IGSF10: variants seen among roughly 807,000 people sequenced by gnomAD.
The protein encoded by IGSF10 is immunoglobulin superfamily member 10, also known as calvaria mechanical force protein 608.
A neutral mutation model predicts 128.2 loss-of-function variants in IGSF10; 126 were observed. The observed-to-expected ratio is 0.98, with a 90% CI of 0.85 to 1.14. IGSF10 has a LOEUF of 1.14. Among genes scored for constraint, IGSF10 ranks in the 50% most tolerant of loss-of-function variants. The pLI, the probability that IGSF10 is intolerant of heterozygous loss-of-function variation, is 0.00. For missense variants in IGSF10, 3,295 were observed against 3,149.8 expected, an observed-to-expected ratio of 1.05 and a Z score of -1.10; for synonymous variants, 1,185 against 1,146.2, an observed-to-expected ratio of 1.03 and a Z score of -0.68.
intron 2 of IGSF10, 133 bp downstream of exon 2, chr3:151,460,127 TA>T (rs1175207131): frequency 1.3e-5 from 2 of 156,450 alleles, no homozygotes; most frequent in Admixed American, 1.3e-4. Flanking sequence ...TCGTTCAGCT[TA>T]AATAAAAGTT....
the IGSF10 span, among the ~76,000 whole-genome samples, chr3:151,546,792 G>T: frequency 1.2e-3 from 181 of 151,068 alleles, no homozygotes; most frequent in Middle Eastern, 6.8e-3. Flanking sequence ...TTTTTGAGAC[G>T]AAGTTTTTGC....
chr3:151,459,452 G>A (rs1486474156), intron 2 of IGSF10, among the ~76,000 whole-genome samples: 1 of 152,038 alleles, frequency 6.6e-6, no homozygotes, highest in East Asian at 1.9e-4. Flanking sequence ...CAAAAAAAAA[G>A]ACACATTGAA....
chr3:151,544,266 T>G, the IGSF10 span, among the ~76,000 whole-genome samples: 1 of 152,190 alleles, frequency 6.6e-6, no homozygotes, highest in Non-Finnish European at 1.5e-5. Context: ...TGGGTTTGCC[T>G]AGGAGAACAT....
chr3:151,445,442 A>C lies in IGSF10; in HGVS notation c.4539T>G (p.Ala1513=). Residue 1513 remains alanine (A), a synonymous_variant, in exon 6 of 8, where the codon GCT becomes GCG. Coordinates refer to ENST00000282466, the MANE Select transcript of IGSF10 (RefSeq NM_178822.5). The part of the protein sequence containing the change: ...VKLHESSRHN[A]KPQQLVAEVA... ...CCTCTGCTACTAATTGCTGTGGTTT[A>C]GCATTGTGCCTTGAGGATTCGTGCA... The C allele has an allele frequency of 6.2e-7, 1 of 1,614,192 alleles. No homozygotes were observed. Among genetic ancestry groups the C allele is most frequent in the Non-Finnish European group, 8.5e-7 (1 of 1,180,032 alleles).
chr3:151,524,410 A>C, the IGSF10 span, among the ~76,000 whole-genome samples: 1 of 152,232 alleles, frequency 6.6e-6, no homozygotes, highest in East Asian at 1.9e-4. Context: ...TAGATAAAGA[A>C]ATGTGGTACA....
chr3:151,464,244 T>G (rs944861368), upstream of IGSF10, among the ~76,000 whole-genome samples: 1 of 152,218 alleles, frequency 6.6e-6, no homozygotes. Flanking sequence ...TACCTAATGA[T>G]TTTCTTTAAA....
At chr3:151,468,018 A>G in the IGSF10 span, among the ~76,000 whole-genome samples, 1 of 152,256 alleles carries the variant, frequency 6.6e-6, no homozygotes, top group Non-Finnish European at 1.5e-5. Context: ...CAAAAGGATG[A>G]ACCAGTTTGA....
upstream of IGSF10, among the ~76,000 whole-genome samples, chr3:151,462,431 T>G (rs1722096367): frequency 1.3e-5 from 2 of 152,214 alleles, no homozygotes; most frequent in Admixed American, 1.3e-4. Context: ...GAATTGCTGG[T>G]TTAGTGAAAT....
chr3:151,462,017 C>T (rs1402441517), upstream of IGSF10, among the ~76,000 whole-genome samples: 1 of 151,986 alleles, frequency 6.6e-6, no homozygotes, highest in Non-Finnish European at 1.5e-5. Context: ...ACTATTTCTG[C>T]TTGGATTACA....
chr3:151,539,784 CTATCT>C, the IGSF10 span, among the ~76,000 whole-genome samples: 1 of 151,784 alleles, frequency 6.6e-6, no homozygotes, highest in African/African-American at 2.4e-5. Context: ...ATCTATCTAT[CTATCT>C]ATCTATCTAT....
At chr3:151,566,548 T>G in the IGSF10 span, among the ~76,000 whole-genome samples, 1 of 152,188 alleles carries the variant, frequency 6.6e-6, no homozygotes, top group African/African-American at 2.4e-5. Flanking sequence ...ATCAGGAGGA[T>G]GCTACCATGG....
chr3:151,512,278 C>T, the IGSF10 span, among the ~76,000 whole-genome samples: 1 of 152,178 alleles, frequency 6.6e-6, no homozygotes, highest in Non-Finnish European at 1.5e-5. Flanking sequence ...GACCACAGTG[C>T]AATCAAACTA....
chr3:151,619,322 G>A, the IGSF10 span, among the ~76,000 whole-genome samples: 1 of 151,944 alleles, frequency 6.6e-6, no homozygotes, highest in Non-Finnish European at 1.5e-5. Context: ...AAATATGAAT[G>A]TAAAGTTTTT....
intron 7 of IGSF10, among the ~76,000 whole-genome samples, chr3:151,442,259 C>T (rs562533439): frequency 6.6e-6 from 1 of 152,028 alleles, no homozygotes; most frequent in South Asian, 2.1e-4. Context: ...TTTAAAATGT[C>T]GAATAGGGGA....
chr3:151,443,736 G>A lies in IGSF10; in HGVS notation c.5211C>T (p.Thr1737=), dbSNP rs1381176397. 1 of 1,614,160 alleles carries A rather than the reference G, an allele frequency of 6.2e-7. No individual in the cohort carries two copies. The highest frequency in any genetic ancestry group is 8.5e-7 in the Non-Finnish European group (1 of 1,180,032). ...TGGGAGGATAGGAAACCACAGACAAGGTGACATGAAGGTGGTCTGTGCCAA... is the reference window on the plus strand; with the variant it reads ...TGGGAGGATAGGAAACCACAGACAAAGTGACATGAAGGTGGTCTGTGCCAA... The part of the protein sequence containing the change: ...NLFGTDHLHV[T]LSVVSYPPRI... Residue 1737 remains threonine, a synonymous_variant, in exon 7 of 8, where the codon ACC becomes ACT. Coordinates refer to ENST00000282466, the MANE Select transcript of IGSF10 (RefSeq NM_178822.5).
the IGSF10 span, among the ~76,000 whole-genome samples, chr3:151,515,859 A>C: frequency 1.3e-5 from 2 of 151,698 alleles, no homozygotes; most frequent in African/African-American, 4.8e-5. Flanking sequence ...ACATCCCACT[A>C]TCTGATGGGC....
the IGSF10 span, among the ~76,000 whole-genome samples, chr3:151,534,671 G>A: frequency 6.6e-6 from 1 of 151,892 alleles, no homozygotes; most frequent in African/African-American, 2.4e-5. Flanking sequence ...GGGAGCTGGG[G>A]GAGGGGTAGC....
chr3:151,575,276 T>G, the IGSF10 span, among the ~76,000 whole-genome samples: 1 of 152,200 alleles, frequency 6.6e-6, no homozygotes, highest in South Asian at 2.1e-4. Context: ...CAGGGACGTT[T>G]AAGTCTGCAG....
downstream of IGSF10, chr3:151,435,485 G>GTGA (rs1720044932): frequency 6.6e-6 from 1 of 152,258 alleles, no homozygotes; most frequent in African/African-American, 2.4e-5. Context: ...GAAAGTCAGT[G>GTGA]TGATGAAAAC....
Sources: gnomAD v4.1 joint callset for allele counts (sites outside exome capture counted in the v4.1 genomes callset) on GRCh38, gnomAD v4.1.1 for gene constraint, MANE v1.5 for transcripts, NCBI Gene and HGNC (gene_info 2026-07-23, HGNC 2026-07-21) for gene names.